MTG2: variants seen among roughly 807,000 people sequenced by gnomAD.
MTG2 encodes mitochondrial ribosome-associated GTPase 2.
Under a neutral mutation model 28.6 loss-of-function variants are expected in MTG2, and 23 were observed. The observed-to-expected ratio is 0.80, with a 90% confidence interval of 0.58 to 1.14. The LOEUF (loss-of-function observed/expected upper bound fraction) is 1.14, where lower values mean the gene tolerates loss of function less well. Ranked by LOEUF, MTG2 falls within the 50% of genes most tolerant of loss-of-function variation. The pLI is 0.00. For missense variants in MTG2, 539 were observed against 552.0 expected, an observed-to-expected ratio of 0.98 and a Z score of 0.24; for synonymous variants, 260 against 251.8, an observed-to-expected ratio of 1.03 and a Z score of -0.31.
chr20:62,193,322 A>T, intron 1 of MTG2, 94 bp from the exon 2 acceptor site: 2 of 1,239,524 alleles, frequency 1.6e-6, no homozygotes, highest in East Asian at 4.7e-5. Context: ...AGAAACGTGC[A>T]CAAAGACCTG....
intron 1 of MTG2, among the ~76,000 whole-genome samples, chr20:62,188,152 G>T (rs1426145225): frequency 2.7e-5 from 4 of 150,884 alleles, no homozygotes; most frequent in Non-Finnish European, 5.9e-5. Context: ...AAAAATTCTG[G>T]TATTTTGCAT....
At chr20:62,193,862 G>C in intron 2 of MTG2, 1 of 529,290 alleles carries the variant, frequency 1.9e-6, no homozygotes, top group Non-Finnish European at 3.4e-6. Flanking sequence ...CCGTGATACA[G>C]GCTGCTCATT....
chr20:62,184,110 G>C (rs6142721), intron 1 of MTG2, among the ~76,000 whole-genome samples: 33,897 of 152,208 alleles, frequency 0.22, 4,133 homozygotes, highest in East Asian at 0.43. Context: ...TGTAATCCCA[G>C]AACTTTGGGA....
At chr20:62,198,070 A>C in intron 4 of MTG2, 103 bp downstream of exon 4, 1 of 876,090 alleles carries the variant, frequency 1.1e-6, no homozygotes, top group South Asian at 1.5e-5. Flanking sequence ...CTTGATGCCC[A>C]CAGCTAGGAA....
intron 3 of MTG2, among the ~76,000 whole-genome samples, chr20:62,197,032 CA>C (rs1177185482): frequency 2.0e-5 from 3 of 151,194 alleles, no homozygotes; most frequent in Non-Finnish European, 4.4e-5. Flanking sequence ...AACTCCGTCT[CA>C]AAAAAATAAA....
chr20:62,195,052 C>T (rs868155183), intron 2 of MTG2, among the ~76,000 whole-genome samples: 4 of 152,122 alleles, frequency 2.6e-5, no homozygotes, highest in Non-Finnish European at 5.9e-5. Flanking sequence ...AAAAACTAGC[C>T]GGGCGCAGTG....
intron 2 of MTG2, chr20:62,194,198 A>G (rs895427168): frequency 6.6e-6 from 1 of 152,216 alleles, no homozygotes; most frequent in Non-Finnish European, 1.5e-5. Context: ...TCTATTTACC[A>G]AAACCTCCTA....
chr20:62,185,931 A>G (rs750084854), intron 1 of MTG2, among the ~76,000 whole-genome samples: 80 of 152,146 alleles, frequency 5.3e-4, no homozygotes, highest in Non-Finnish European at 8.8e-4. Context: ...CTCCAAAGAG[A>G]AATTGAAAGG....
At position 62,195,829 on chromosome 20, in the gene MTG2, G is replaced by A; in HGVS notation, c.232G>A (p.Val78Met). The change falls in exon 3 of 7, where the codon GTG (valine) becomes ATG (methionine). Residue 78 changes from valine (V) to methionine (M), a missense_variant. Physicochemically the swap from Val to Met is conservative, Grantham distance 21. Transcript: ENST00000370823. ...LKRYFVDYRRVLVCGGNGGAG... is the reference protein window; with the variant it reads ...LKRYFVDYRRMLVCGGNGGAG... ...AAGGTACTTTGTGGACTATCGGAGA[G>A]TGCTTGTCTGTGGAGGAAACGGAGG... The A allele has an allele frequency of 6.2e-7, 1 of 1,614,232 alleles. No homozygotes were observed. Among genetic ancestry groups the A allele is most frequent in the South Asian group, 1.1e-5 (1 of 91,086 alleles).
intron 2 of MTG2, chr20:62,193,870 A>C (rs866165408): frequency 1.2e-5 from 6 of 511,028 alleles, no homozygotes; most frequent in Middle Eastern, 5.3e-4. Context: ...CAGGCTGCTC[A>C]TTTTCCCATG....
chr20:62,196,373 G>A (rs1348915249), intron 3 of MTG2, among the ~76,000 whole-genome samples: 1 of 141,864 alleles, frequency 7.0e-6, no homozygotes, highest in African/African-American at 2.6e-5. Flanking sequence ...AAAAAAAAAA[G>A]TAAAATTTTT....
At chr20:62,199,021 A>G (rs2058111965) in intron 5 of MTG2, 98 bp from the exon 6 acceptor site, 3 of 1,578,854 alleles carry the variant, frequency 1.9e-6, no homozygotes, top group Non-Finnish European at 1.7e-6. Context: ...TGACTCCCCC[A>G]GCCCTGAAAT....
intron 1 of MTG2, among the ~76,000 whole-genome samples, chr20:62,193,113 A>G (rs1358859772): frequency 6.6e-6 from 1 of 152,060 alleles, no homozygotes; most frequent in Non-Finnish European, 1.5e-5. Context: ...CCTTTTTAAT[A>G]TTTTCGTTGA....
intron 6 of MTG2, among the ~76,000 whole-genome samples, chr20:62,199,624 C>T (rs562107695): frequency 1.5e-3 from 195 of 126,818 alleles, no homozygotes; most frequent in Middle Eastern, 5.9e-3. Context: ...CCAGCCTGGG[C>T]GACAGAGCGA....
chr20:62,184,937 C>G (rs1424523976), intron 1 of MTG2, among the ~76,000 whole-genome samples: 1 of 151,832 alleles, frequency 6.6e-6, no homozygotes, highest in African/African-American at 2.4e-5. Flanking sequence ...CGGTGAAACC[C>G]CGTCTCTATT....
chr20:62,198,537 T>C, intron 4 of MTG2, 97 bp from the exon 5 acceptor site: 1 of 1,332,544 alleles, frequency 7.5e-7, no homozygotes, highest in Non-Finnish European at 1.0e-6. Context: ...CAGTCCGCTC[T>C]TGTCTTCTTT....
In MTG2 at chr20:62,199,116, C is replaced by T. The variant is rs568419603; in HGVS notation, c.688-3C>T. The T allele has an allele frequency of 6.2e-7, 1 of 1,613,866 alleles. No individual in the cohort carries two copies. Among genetic ancestry groups the T allele is most frequent in the African/African-American group, 1.3e-5 (1 of 74,938 alleles). On this transcript the variant is annotated splice_region_variant and splice_polypyrimidine_tract_variant and intron_variant, in intron 5 of 6. Coordinates refer to ENST00000370823, the MANE Select transcript of MTG2 (RefSeq NM_015666.4). ...GTGCCACCGTCTTCCCTCTTTCCCC[C>T]AGGTGGGATTCCCCAACGCCGGGAA... is the stretch of plus-strand genomic sequence containing the variant.
At position 62,195,928 on chromosome 20, in the gene MTG2, G is replaced by T. The variant is rs767695167; in HGVS notation, c.331G>T (p.Gly111Cys). ...GGPDGGDGGN[G>C]GHVILRVDQQ... ...CCCTGATGGAGGGGACGGAGGCAAC[G>T]GTGGACACGTCATTCTGAGAGGCAG... is the stretch of plus-strand genomic sequence containing the variant. Residue 111 changes from glycine (G) to cysteine (C), a missense_variant, in exon 3 of 7, where the codon GGT becomes TGT. Transcript: ENST00000370823. The T allele has an allele frequency of 2.2e-5, 36 of 1,614,002 alleles. No homozygotes were observed. Among genetic ancestry groups the T allele is most frequent in the Non-Finnish European group, 2.9e-5 (34 of 1,180,018 alleles).
intron 4 of MTG2, chr20:62,198,170 C>T: frequency 1.7e-6 from 1 of 587,958 alleles, no homozygotes. Context: ...ACCAGGGTCT[C>T]ACACCATGTG....
Sources: gnomAD v4.1 joint callset for allele counts (sites outside exome capture counted in the v4.1 genomes callset) on GRCh38, gnomAD v4.1.1 for gene constraint, MANE v1.5 for transcripts, NCBI Gene and HGNC (gene_info 2026-07-23, HGNC 2026-07-21) for gene names.